CACNA1I: variants seen among roughly 807,000 people sequenced by gnomAD.
The protein encoded by CACNA1I is calcium voltage-gated channel subunit alpha1 I.
Under a neutral mutation model 201.6 loss-of-function variants are expected in CACNA1I, and 74 were observed. The observed-to-expected ratio is 0.37, with a 90% CI of 0.30 to 0.45. The LOEUF (loss-of-function observed/expected upper bound fraction) is 0.45, where lower values mean the gene tolerates loss of function less well. Among genes scored for constraint, CACNA1I ranks in the 20% least tolerant of loss-of-function variants. CACNA1I has a pLI of 1.00. For synonymous variants in CACNA1I, 1,431 were observed against 1,345.2 expected (o/e 1.06, Z -1.40); for missense variants, 2,346 against 3,138.1 (o/e 0.75, Z 6.03).
At chr22:39,672,124 G>C in intron 26 of CACNA1I, 75 bp from the exon 27 acceptor site, 1 of 873,376 alleles carries the variant, frequency 1.1e-6, no homozygotes, top group Non-Finnish European at 1.9e-6. Flanking sequence ...TTAAAAGGCA[G>C]AGACTTTCTG....
intron 4 of CACNA1I, among the ~76,000 whole-genome samples, chr22:39,630,531 T>A (rs543744509): frequency 6.6e-6 from 1 of 152,348 alleles, no homozygotes; most frequent in Admixed American, 6.5e-5. Context: ...GCTGTCGGCC[T>A]TCAAGGGACT....
chr22:39,598,206 A>T lies in CACNA1I; in HGVS notation c.292A>T (p.Met98Leu). ...CCTGCTGAACTGCGTGACACTTGGC[A>T]TGTACCAGCCGTGCGACGACATGGA... The part of the protein sequence containing the change: ...VILLNCVTLG[M>L]YQPCDDMDCL... The change falls in exon 2 of 37, where the codon ATG becomes TTG. Residue 98 changes from methionine (M) to leucine (L), a missense_variant. Physicochemically the swap from Met to Leu is conservative, Grantham distance 15. Coordinates refer to ENST00000402142, the MANE Select transcript of CACNA1I (RefSeq NM_021096.4). 6.2e-7 allele frequency: 1 copy of T among 1,609,718 alleles called. No homozygotes were observed.
chr22:39,607,853 G>A (rs903430227), intron 3 of CACNA1I, among the ~76,000 whole-genome samples: 6 of 150,754 alleles, frequency 4.0e-5, no homozygotes, highest in Non-Finnish European at 5.9e-5. Flanking sequence ...GTCCGGGTGC[G>A]GTGGCTCACA....
chr22:39,638,680 G>A lies in CACNA1I; in HGVS notation c.741-2187G>A, dbSNP rs563024619. 5.9e-5 allele frequency among the ~76,000 whole-genome samples: 9 copies of A among 151,970 alleles called. No individual in the cohort carries two copies. The South Asian group carries it at 1.9e-3, about 32-fold the overall frequency. Reference sequence around the variant, plus strand: ...TTTTGTCTTTTTTTTCCCCCTAGTGGGTTATTTTTCCTTTTCCTTATTAAG... The same window carrying A: ...TTTTGTCTTTTTTTTCCCCCTAGTGAGTTATTTTTCCTTTTCCTTATTAAG... On this transcript the variant is annotated intron_variant, in intron 5 of 36. Transcript: ENST00000402142.
At position 39,684,783 on chromosome 22, in the gene CACNA1I, G is replaced by A; in HGVS notation, c.6027+285G>A. The A allele has an allele frequency of 5.1e-6, 3 of 590,414 alleles. No homozygotes were observed. Among genetic ancestry groups the A allele is most frequent in the Non-Finnish European group, 9.0e-6 (3 of 331,920 alleles). 36.6% of individuals were successfully genotyped at this position (590,414 alleles called of 1,614,324 possible). On this transcript the variant is annotated intron_variant, in intron 36 of 36. Coordinates refer to ENST00000402142, the MANE Select transcript of CACNA1I (RefSeq NM_021096.4). This position sits in a 1 kb window ranked among gnomAD's most constrained non-coding sequence, Gnocchi z 4.6. ...TGTGATCCCTAGCTTGAGGGGAGGG[G>A]AGGAGAGGAGGAGGAGTACTGGAGG...
chr22:39,627,407 G>A (rs965414898), intron 4 of CACNA1I, among the ~76,000 whole-genome samples: 8 of 152,234 alleles, frequency 5.3e-5, no homozygotes, highest in Admixed American at 1.3e-4. Flanking sequence ...CTGTGCAGAC[G>A]CCCCTGTGGA....
At chr22:39,598,354 TG>T (rs1932942227) in intron 2 of CACNA1I, 92 bp downstream of exon 2, 2 of 584,302 alleles carry the variant, frequency 3.4e-6, no homozygotes, top group Admixed American at 2.5e-5. Context: ...CCCCATGTCC[TG>T]GCCTTGCCCC....
intron 2 of CACNA1I, among the ~76,000 whole-genome samples, chr22:39,598,594 A>T (rs1207191780): frequency 6.6e-6 from 1 of 151,582 alleles, no homozygotes; most frequent in Non-Finnish European, 1.5e-5. Context: ...GGGTGCCCCC[A>T]CCAGCCTTCT....
At chr22:39,612,548 ATTGAGTCCTCAC>A (rs563477150) in intron 3 of CACNA1I, among the ~76,000 whole-genome samples, 98 of 152,266 alleles carry the variant, frequency 6.4e-4, no homozygotes, top group African/African-American at 2.2e-3. Context: ...GAGTCTTCTC[ATTGAGTCCTCAC>A]TTGAGTCCTC....
intron 29 of CACNA1I, among the ~76,000 whole-genome samples, chr22:39,674,637 C>T (rs4820388): frequency 1.3e-5 from 2 of 151,900 alleles, no homozygotes; most frequent in Non-Finnish European, 2.9e-5. Flanking sequence ...TTCATCCTCC[C>T]GAGAATTCTG....
rs376986131 is a variant in CACNA1I, at chr22:39,672,293, G to A, written c.4634G>A (p.Arg1545His). The A allele has an allele frequency of 5.0e-5, 81 of 1,611,744 alleles. 1 individual carries two copies. Among genetic ancestry groups the A allele is most frequent in the South Asian group, 2.0e-4 (18 of 91,032 alleles). ...VLKLVAFGLR[R>H]FFKDRWNQLD... ...AAGCTGGTGGCATTTGGTCTGAGGC[G>A]CTTCTTCAAGGACCGGTGAGTGGCC... Residue 1545 changes from arginine (R) to histidine (H), a missense_variant, in exon 27 of 37, where the codon CGC becomes CAC. Arg to His is a conservative substitution (Grantham distance 29, BLOSUM62 0). Coordinates refer to ENST00000402142, the MANE Select transcript of CACNA1I (RefSeq NM_021096.4).
intron 17 of CACNA1I, 82 bp downstream of exon 17, chr22:39,662,517 G>A: frequency 9.0e-7 from 1 of 1,112,752 alleles, no homozygotes; most frequent in Non-Finnish European, 1.2e-6. Context: ...CGGGGCCCGA[G>A]CGGGCGGGCC....
chr22:39,583,541 A>G (rs1932652399), intron 1 of CACNA1I, among the ~76,000 whole-genome samples: 1 of 152,122 alleles, frequency 6.6e-6, no homozygotes, highest in African/African-American at 2.4e-5. Context: ...CTCAACCTTT[A>G]CATTCATGCA....
chr22:39,598,274 G>T lies in CACNA1I; in HGVS notation c.348+12G>T, dbSNP rs1569054679. ...GCAAGATCCTGCAGGTGAGCCGGCC[G>T]CCCCGCCCCGCCCCGCCCTGCCCTC... On this transcript the variant is annotated intron_variant, in intron 2 of 36. Transcript: ENST00000402142. 8 of 1,311,314 alleles carry T rather than the reference G, an allele frequency of 6.1e-6. No homozygotes were observed. The South Asian group carries it at 1.0e-4, about 17-fold the overall frequency. The allele number at this position is 1,311,314 out of a possible 1,614,324, so 81.2% of individuals were successfully genotyped here.
intron 1 of CACNA1I, among the ~76,000 whole-genome samples, chr22:39,577,726 G>A (rs1007415860): frequency 1.3e-5 from 2 of 152,266 alleles, no homozygotes; most frequent in Non-Finnish European, 1.5e-5. Context: ...CAGCGTGCCG[G>A]CTGAGGGCCT....
At chr22:39,609,972 G>GCC (rs1049888067) in intron 3 of CACNA1I, among the ~76,000 whole-genome samples, 1 of 152,226 alleles carries the variant, frequency 6.6e-6, no homozygotes, top group African/African-American at 2.4e-5. Flanking sequence ...GCTCCACAGA[G>GCC]CCCAGTGCCT....
chr22:39,659,992 AGGTGG>A lies in CACNA1I; in HGVS notation c.2604+141_2604+145del. ...TCCCTAAAGGAGGGGGTTGCTGATG[AGGTGG>A]TGAGCTCTTCATCATAGGAAGCATG... On this transcript the variant is annotated intron_variant, in intron 14 of 36. Coordinates refer to ENST00000402142, the MANE Select transcript of CACNA1I (RefSeq NM_021096.4). This position sits in a 1 kb window ranked among gnomAD's most constrained non-coding sequence, Gnocchi z 4.3. 1.1e-6 allele frequency: 1 copy of A among 905,312 alleles called. No homozygotes were observed. The highest frequency in any genetic ancestry group is 1.7e-6 in the Non-Finnish European group (1 of 587,028). 56.1% of individuals were successfully genotyped at this position (905,312 alleles called of 1,614,324 possible). A position where few individuals can be genotyped will look rare whatever the true frequency, so the allele number is the denominator to read the frequency against.
At chr22:39,645,125 T>TA (rs1292322351) in intron 7 of CACNA1I, among the ~76,000 whole-genome samples, 1 of 152,150 alleles carries the variant, frequency 6.6e-6, no homozygotes, top group Non-Finnish European at 1.5e-5. Flanking sequence ...TAGCTGGGAT[T>TA]ACAGGCATGC....
Position 39,646,707 on chromosome 22 carries a change from G to A in CACNA1I, c.1288G>A (p.Glu430Lys), listed in dbSNP as rs781099576. The A allele has an allele frequency of 4.4e-6, 7 of 1,595,684 alleles. No individual in the cohort carries two copies. The highest frequency in any genetic ancestry group is 3.3e-4 in the Middle Eastern group (2 of 6,068). The change falls in exon 8 of 37, where the codon GAG becomes AAG. Residue 430 changes from glutamate to lysine, a missense_variant. By Grantham distance (56) the Glu-to-Lys change is moderately conservative. Transcript: ENST00000402142. ...LSSSTVASYA[E>K]PGDCYEEIFQ... ...CTCCAGCACGGTGGCCAGCTACGCC[G>A]AGCCTGGCGACTGCTACGAGGAGAT...
Sources: gnomAD v4.1 joint callset for allele counts (sites outside exome capture counted in the v4.1 genomes callset) on GRCh38, gnomAD v4.1.1 for gene constraint, Gnocchi (gnomAD v3.1) non-coding constraint, MANE v1.5 for transcripts, NCBI Gene and HGNC (gene_info 2026-07-23, HGNC 2026-07-21) for gene names.